Variants in SNED1 observed in about 807,000 individuals in gnomAD.
The protein encoded by SNED1 is sushi, nidogen and EGF like domains 1, also known as sushi, nidogen and EGF-like domain-containing protein 1.
A neutral mutation model predicts 166.7 loss-of-function variants in SNED1; 81 were observed. The ratio of observed to expected loss-of-function variants is 0.49; its 90% CI spans 0.41 to 0.58. The LOEUF is 0.58. Among genes scored for constraint, SNED1 ranks in the 20% least tolerant of loss-of-function variants. The pLI, the probability that SNED1 is intolerant of heterozygous loss-of-function variation, is 0.00. For missense variants in SNED1, 1,604 were observed against 2,000.2 expected (o/e 0.80, Z 3.78); for synonymous variants, 762 against 822.0 (o/e 0.93, Z 1.25).
chr2:241,036,644 A>C, intron 4 of SNED1, 146 bp from the exon 5 acceptor site: 1 of 1,061,598 alleles, frequency 9.4e-7, no homozygotes. Flanking sequence ...GTGAAACCTG[A>C]AACCTGGCTG....
chr2:241,031,460 G>C (rs1156913860), intron 2 of SNED1, among the ~76,000 whole-genome samples: 1 of 152,222 alleles, frequency 6.6e-6, no homozygotes, highest in Non-Finnish European at 1.5e-5. Context: ...CCAAGTGACA[G>C]GCAAGTGTTC....
Position 241,073,126 on chromosome 2 carries a change from G to A in SNED1, c.3818-140G>A, listed in dbSNP as rs2062819685. ...GGAGGCAGCTCTGGGGCCGACAGGT[G>A]CTGGGGCCACGCAGGGAGCCTGGTC... On this transcript the variant is annotated intron_variant, in intron 26 of 31. Coordinates refer to ENST00000310397, the MANE Select transcript of SNED1 (RefSeq NM_001080437.3). The surrounding 1 kb of genome is among the most constrained non-coding windows in gnomAD (Gnocchi z 6.6). The A allele has an allele frequency of 3.1e-6, 2 of 635,084 alleles. No homozygotes were observed. Among genetic ancestry groups the A allele is most frequent in the Non-Finnish European group, 5.5e-6 (2 of 363,766 alleles). The allele number at this position is 635,084 out of a possible 1,614,324, so 39.3% of individuals were successfully genotyped here.
chr2:241,059,887 C>T (rs1475630353), intron 16 of SNED1, among the ~76,000 whole-genome samples: 2 of 152,132 alleles, frequency 1.3e-5, no homozygotes, highest in African/African-American at 4.8e-5. Flanking sequence ...CCAGCATTTT[C>T]CTGGAGGCCC....
intron 12 of SNED1, 126 bp downstream of exon 12, chr2:241,050,059 T>A: frequency 1.3e-6 from 1 of 749,566 alleles, no homozygotes; most frequent in Non-Finnish European, 2.4e-6. Context: ...GAGCCTTGCC[T>A]GATGTGCTGC....
rs141487484 is a variant in SNED1 at position 241,065,514 on chromosome 2, A to T, written c.2929A>T (p.Asn977Tyr). The T allele has an allele frequency of 6.2e-7, 1 of 1,612,942 alleles. No individual in the cohort carries two copies. The highest frequency in any genetic ancestry group is 1.3e-5 in the African/African-American group (1 of 75,054). ...GGCCCTGGCGGCCGGCAGGGCCTACAACATCTCCGTCTTCTCAGTGAAGCG... is the reference window on the plus strand; with the variant it reads ...GGCCCTGGCGGCCGGCAGGGCCTACTACATCTCCGTCTTCTCAGTGAAGCG... ...LQALAAGRAY[N>Y]ISVFSVKRNS... is the part of the protein sequence containing the mutation. Residue 977 changes from asparagine to tyrosine, a missense_variant, in exon 21 of 32, where the codon AAC (asparagine) becomes TAC (tyrosine). Coordinates refer to ENST00000310397, the MANE Select transcript of SNED1 (RefSeq NM_001080437.3).
chr2:241,083,643 C>T (rs1002855743), intron 29 of SNED1, among the ~76,000 whole-genome samples: 15 of 152,160 alleles, frequency 9.9e-5, no homozygotes, highest in South Asian at 4.1e-4. Context: ...CAGTATCTGC[C>T]ATCTTCCCGC....
chr2:241,019,686 C>T lies in SNED1; in HGVS notation c.214-10598C>T, dbSNP rs544129867. ...CCCAAGAGGGATCCAAGAGGCAGCG[C>T]GGTCCGATCGGAGAGCACCCTTACC... On this transcript the variant is annotated intron_variant, in intron 1 of 31. Transcript: ENST00000310397. 2.4e-4 allele frequency among the ~76,000 whole-genome samples: 37 copies of T among 152,310 alleles called. 2 individuals are homozygous for T. The highest frequency in any genetic ancestry group is 8.4e-4 in the African/African-American group (35 of 41,572).
At position 241,069,646 on chromosome 2, in the gene SNED1, G is replaced by A. The variant is rs914721061; in HGVS notation, c.3308-274G>A. Among the ~76,000 whole-genome samples, 6 of 152,194 alleles carry A rather than the reference G, an allele frequency of 3.9e-5. No homozygotes were observed. Among genetic ancestry groups the A allele is most frequent in the Non-Finnish European group, 8.8e-5 (6 of 68,032 alleles). On this transcript the variant is annotated intron_variant, in intron 23 of 31. Coordinates refer to ENST00000310397, the MANE Select transcript of SNED1 (RefSeq NM_001080437.3). This position sits in a 1 kb window ranked among gnomAD's most constrained non-coding sequence, Gnocchi z 4.9. ...TCAGGGGAACCGACTGTGCCGCAGG[G>A]AGGGCGCCAGCTGACGGGCCAGGGC...
At chr2:241,067,341 T>C (rs79881797) in intron 21 of SNED1, among the ~76,000 whole-genome samples, 31,452 of 152,250 alleles carry the variant, frequency 0.21, 3,607 homozygotes, top group Middle Eastern at 0.31. Context: ...TCTGTATGTC[T>C]GTCCTCCTAA....
intron 15 of SNED1, 116 bp downstream of exon 15, chr2:241,052,584 A>AG (rs1366574490): frequency 2.8e-6 from 2 of 726,994 alleles, no homozygotes; most frequent in Admixed American, 2.5e-5. Flanking sequence ...TGAGAGGGCC[A>AG]GGGGGCCAAG....
At chr2:241,039,466 G>A (rs914316789) in intron 6 of SNED1, among the ~76,000 whole-genome samples, 2 of 152,180 alleles carry the variant, frequency 1.3e-5, no homozygotes, top group African/African-American at 2.4e-5. Flanking sequence ...CTGCTGGCCA[G>A]GGCAAAGGAG....
chr2:241,072,343 C>G, intron 26 of SNED1: 1 of 388,438 alleles, frequency 2.6e-6, no homozygotes. Context: ...GCCCAGGTGC[C>G]TTGGGCCCTT....
Position 241,094,245 on chromosome 2 carries a change from C to T in SNED1, c.*2609C>T, listed in dbSNP as rs1375661820. The stretch of plus-strand genomic sequence containing the variant: ...CACTGTCCTCCAGTAGAGAACCCAA[C>T]AGGCAAGGGCCCCACTCAGGTATCA... On this transcript the variant is annotated 3_prime_UTR_variant, in exon 32 of 32. Transcript: ENST00000310397. This position sits in a 1 kb window ranked among gnomAD's most constrained non-coding sequence, Gnocchi z 4.3. 2.2e-6 allele frequency: 1 copy of T among 464,344 alleles called. No individual in the cohort carries two copies. Among genetic ancestry groups the T allele is most frequent in the Non-Finnish European group, 4.5e-6 (1 of 224,476 alleles). The allele number at this position is 464,344 out of a possible 1,614,324, so 28.8% of individuals were successfully genotyped here.
At chr2:241,080,246 T>C (rs548777842) in intron 27 of SNED1, among the ~76,000 whole-genome samples, 1 of 152,346 alleles carries the variant, frequency 6.6e-6, no homozygotes, top group Middle Eastern at 3.4e-3. Flanking sequence ...ATCGCGACAC[T>C]GCACTCCAGC....
At chr2:241,070,222 G>A (rs770786866) in intron 24 of SNED1, 21 bp downstream of exon 24, 51 of 1,584,870 alleles carry the variant, frequency 3.2e-5, no homozygotes, top group Non-Finnish European at 4.1e-5. Flanking sequence ...TGGGCCCTGC[G>A]CGTGGGCGGG....
rs370420507 is a variant in SNED1 at position 241,073,288 on chromosome 2, C to G, written c.3840C>G (p.Leu1280=). Residue 1280 remains leucine (L), a synonymous_variant, in exon 27 of 32, where the codon CTC becomes CTG. Coordinates refer to ENST00000310397, the MANE Select transcript of SNED1 (RefSeq NM_001080437.3). This position sits in a 1 kb window ranked among gnomAD's most constrained non-coding sequence, Gnocchi z 6.6. ...VRSQPTASAQ[L]ENMEEAPKRV... is the part of the protein sequence containing the mutation. The stretch of plus-strand genomic sequence containing the variant: ...TAGAACCCACAGCCTCGGCGCAGCT[C>G]GAGAACATGGAGGAAGCCCCCAAGC... 9.0e-6 allele frequency: 14 copies of G among 1,563,844 alleles called. No homozygotes were observed. In the African/African-American group the frequency reaches 1.6e-4, roughly 18 times the overall value.
Position 241,051,702 on chromosome 2 carries a change from C to T in SNED1, c.1736-42C>T. On this transcript the variant is annotated intron_variant, in intron 12 of 31. Coordinates refer to ENST00000310397, the MANE Select transcript of SNED1 (RefSeq NM_001080437.3). This position sits in a 1 kb window ranked among gnomAD's most constrained non-coding sequence, Gnocchi z 4.7. ...GGGTATAGTGGCTCTGTGGGGCCAG[C>T]AGCCTGGCCCCGTTCATCTGCCTCT... The T allele has an allele frequency of 3.6e-6, 5 of 1,374,208 alleles. No homozygotes were observed. In the South Asian group the frequency reaches 7.5e-5, roughly 21 times the overall value. 85.1% of individuals were successfully genotyped at this position (1,374,208 alleles called of 1,614,324 possible). A position where few individuals can be genotyped will look rare whatever the true frequency, so the allele number is the denominator to read the frequency against.
Position 241,049,854 on chromosome 2 carries a change from C to T in SNED1, c.1656C>T (p.Asn552=), listed in dbSNP as rs1280164599. Residue 552 remains asparagine (N), a synonymous_variant, in exon 12 of 32, where the codon AAC becomes AAT. Transcript: ENST00000310397. ...CCTGCGACTCGGACCCCTGCTTCAACGGAGGCTCCTGCGATGCCCATGACG... is the reference window on the plus strand; with the variant it reads ...CCTGCGACTCGGACCCCTGCTTCAATGGAGGCTCCTGCGATGCCCATGACG... The part of the protein sequence containing the change: ...PSPCDSDPCF[N]GGSCDAHDDS... 4 of 1,613,722 alleles carry T rather than the reference C, an allele frequency of 2.5e-6. No individual in the cohort carries two copies. Among genetic ancestry groups the T allele is most frequent in the Non-Finnish European group, 3.4e-6 (4 of 1,179,784 alleles).
rs1417117456 is a variant in SNED1, at chr2:241,089,893, C to T, written c.*1+1491C>T. 2.3e-5 allele frequency: 35 copies of T among 1,503,118 alleles called. 1 individual carries two copies. In the South Asian group the frequency reaches 2.7e-4, roughly 11 times the overall value. 93.1% of individuals were successfully genotyped at this position (1,503,118 alleles called of 1,614,324 possible). ...ACAGCGTGTTACTGAATACTGTAGG[C>T]GGTCGTAACACAGTGCCAAGTGTGT... On this transcript the variant is annotated intron_variant, in intron 31 of 31. Coordinates refer to ENST00000310397, the MANE Select transcript of SNED1 (RefSeq NM_001080437.3).
Sources: allele counts gnomAD v4.1 joint callset (sites outside exome capture counted in the v4.1 genomes callset), GRCh38; gene constraint gnomAD v4.1.1; non-coding constraint Gnocchi (gnomAD v3.1); transcripts MANE v1.5; gene names NCBI Gene and HGNC (gene_info 2026-07-23, HGNC 2026-07-21).